The following SLC39A3 variants were observed in gnomAD, a reference collection of about 807,000 sequenced individuals.
The protein encoded by SLC39A3 is zinc transporter ZIP3.
Under a neutral mutation model 5.1 loss-of-function variants are expected in SLC39A3, and 3 were observed. The ratio of observed to expected loss-of-function variants is 0.59; its 90% confidence interval spans 0.27 to 1.54. The LOEUF (loss-of-function observed/expected upper bound fraction) is 1.54, where lower values mean the gene tolerates loss of function less well. Ranked by LOEUF, SLC39A3 falls within the 40% of genes most tolerant of loss-of-function variation. SLC39A3 has a pLI of 0.12. For missense variants in SLC39A3, 412 were observed against 436.4 expected, an observed-to-expected ratio of 0.94 and a Z score of 0.50; for synonymous variants, 250 against 218.8, an observed-to-expected ratio of 1.14 and a Z score of -1.26.
chr19:2,739,279 A>G (rs747077060), intron 1 of SLC39A3, among the ~76,000 whole-genome samples: 10 of 151,998 alleles, frequency 6.6e-5, no homozygotes, highest in Non-Finnish European at 1.3e-4. Flanking sequence ...ATTTTACCTG[A>G]TGCAATGGGC....
intron 2 of SLC39A3, chr19:2,736,185 T>C: frequency 1.0e-6 from 1 of 985,356 alleles, no homozygotes; most frequent in Non-Finnish European, 1.2e-6. Context: ...GGAGTTGGGG[T>C]GGACAGACTC....
At chr19:2,737,420 T>C (rs1914405538) in intron 1 of SLC39A3, 41 bp from the exon 2 acceptor site, 2 of 1,355,568 alleles carry the variant, frequency 1.5e-6, no homozygotes, top group Non-Finnish European at 2.0e-6. Context: ...TCTTTCTTTT[T>C]TCTTTTTTTT....
At chr19:2,736,596 T>C in intron 2 of SLC39A3, 1 of 517,462 alleles carries the variant, frequency 1.9e-6, no homozygotes, top group Non-Finnish European at 2.8e-6. Context: ...ACACTGTGAC[T>C]GCTGCCTTGT....
chr19:2,737,132 C>G lies in SLC39A3; in HGVS notation c.126G>C (p.Lys42Asn). 1 of 1,614,178 alleles carries G rather than the reference C, an allele frequency of 6.2e-7. No homozygotes were observed. The highest frequency in any genetic ancestry group is 8.5e-7 in the Non-Finnish European group (1 of 1,180,036). The stretch of plus-strand genomic sequence containing the variant: ...CAAAGGTGTTGCAGAGAGAGAGGAT[C>G]TTTTTCGAGCGATGGGCCTTCTCAA... ...TDFEKAHRSK[K>N]ILSLCNTFGG... is the part of the protein sequence containing the mutation. The change falls in exon 2 of 3, where the codon AAG (lysine) becomes AAC (asparagine). Residue 42 changes from lysine (K) to asparagine (N), a missense_variant. Lys to Asn is a moderately conservative substitution (Grantham distance 94). Transcript: ENST00000269740.
chr19:2,736,575 C>T, intron 2 of SLC39A3: 1 of 362,008 alleles, frequency 2.8e-6, no homozygotes, highest in Non-Finnish European at 4.2e-6. Context: ...GATGAGACCA[C>T]AGCCCAGGAG....
Position 2,733,654 on chromosome 19 carries a change from A to G in SLC39A3, c.211-169T>C, listed in dbSNP as rs977595916. On this transcript the variant is annotated intron_variant, in intron 2 of 2. Transcript: ENST00000269740. This position sits in a 1 kb window ranked among gnomAD's most constrained non-coding sequence, Gnocchi z 6.1. ...TCGCCTGTGATGAATTAACACCACC[A>G]CCACCAGCCAAGCGCGGTGGCTCAT... 9.9e-5 allele frequency among the ~76,000 whole-genome samples: 15 copies of G among 152,058 alleles called. No individual in the cohort carries two copies. The highest frequency in any genetic ancestry group is 3.6e-4 in the African/African-American group (15 of 41,388).
chr19:2,734,131 A>G lies in SLC39A3; in HGVS notation c.211-646T>C, dbSNP rs1448221623. Among the ~76,000 whole-genome samples the G allele has an allele frequency of 1.3e-5, 2 of 151,988 alleles. No individual in the cohort carries two copies. The highest frequency in any genetic ancestry group is 2.9e-5 in the Non-Finnish European group (2 of 67,996). On this transcript the variant is annotated intron_variant, in intron 2 of 2. Coordinates refer to ENST00000269740, the MANE Select transcript of SLC39A3 (RefSeq NM_144564.5). This position sits in a 1 kb window ranked among gnomAD's most constrained non-coding sequence, Gnocchi z 4.6. ...CGCAGGGCGTCTGCAAGAGGTACAC[A>G]CTCCTATGGGAGGGACAGCTGCTCA...
In SLC39A3 at chr19:2,735,966, A is replaced by AG; in HGVS notation, c.210+1081dup. ...CCATGCTTTCGTTGGGAGGAAGAACAGGGGGTCCTCATATCTCCACCAAGT... is the reference window on the plus strand; with the variant it reads ...CCATGCTTTCGTTGGGAGGAAGAACAGGGGGGTCCTCATATCTCCACCAAGT... On this transcript the variant is annotated intron_variant, in intron 2 of 2. Coordinates refer to ENST00000269740, the MANE Select transcript of SLC39A3 (RefSeq NM_144564.5). The surrounding 1 kb of genome is among the most constrained non-coding windows in gnomAD (Gnocchi z 5.7). 1 of 985,500 alleles carries AG rather than the reference A, an allele frequency of 1.0e-6. No individual in the cohort carries two copies. Among genetic ancestry groups the AG allele is most frequent in the South Asian group, 4.7e-5 (1 of 21,294 alleles). The allele number at this position is 985,500 out of a possible 1,614,324, so 61.0% of individuals were successfully genotyped here.
At position 2,733,655 on chromosome 19, in the gene SLC39A3, C is replaced by G. The variant is rs918481170; in HGVS notation, c.211-170G>C. ...CGCCTGTGATGAATTAACACCACCA[C>G]CACCAGCCAAGCGCGGTGGCTCATG... On this transcript the variant is annotated intron_variant, in intron 2 of 2. Transcript: ENST00000269740. The surrounding 1 kb of genome is among the most constrained non-coding windows in gnomAD (Gnocchi z 6.1). Among the ~76,000 whole-genome samples the G allele has an allele frequency of 7.9e-5, 12 of 152,168 alleles. No homozygotes were observed. Among genetic ancestry groups the G allele is most frequent in the Admixed American group, 5.2e-4 (8 of 15,276 alleles).
chr19:2,737,235 T>C lies in SLC39A3; in HGVS notation c.23A>G (p.Lys8Arg). 6.2e-7 allele frequency: 1 copy of C among 1,613,764 alleles called. No individual in the cohort carries two copies. Among genetic ancestry groups the C allele is most frequent in the Non-Finnish European group, 8.5e-7 (1 of 1,179,810 alleles). The change falls in exon 2 of 3, where the codon AAA becomes AGA. Residue 8 changes from lysine (K) to arginine (R), a missense_variant. Coordinates refer to ENST00000269740, the MANE Select transcript of SLC39A3 (RefSeq NM_144564.5). MVKLLVA[K>R]ILCMVGVFFF... is the part of the protein sequence containing the mutation. ...GAACACGCCCACCATGCACAGGATT[T>C]TGGCCACTAGCAATTTCACCATGGT... is the stretch of plus-strand genomic sequence containing the variant.
intron 1 of SLC39A3, among the ~76,000 whole-genome samples, chr19:2,738,364 A>ATGG (rs1186344852): frequency 6.6e-6 from 1 of 151,990 alleles, no homozygotes; most frequent in African/African-American, 2.4e-5. Context: ...ATGCTATTGG[A>ATGG]TGGTGGTGGT....
rs1360933898 is a variant in SLC39A3 at position 2,733,398 on chromosome 19, A to G, written c.298T>C (p.Phe100Leu). ...AAGGTCAGGATCAGCTGCTCCAGGAAGACGGTCATGAAGAAGCCCAGCAGG... is the reference window on the plus strand; with the variant it reads ...AAGGTCAGGATCAGCTGCTCCAGGAGGACGGTCATGAAGAAGCCCAGCAGG... ...ILLLGFFMTV[F>L]LEQLILTFRK... Residue 100 changes from phenylalanine to leucine, a missense_variant, in exon 3 of 3, where the codon TTC becomes CTC. Phe to Leu is a conservative substitution (Grantham distance 22, BLOSUM62 0). Coordinates refer to ENST00000269740, the MANE Select transcript of SLC39A3 (RefSeq NM_144564.5). This position sits in a 1 kb window ranked among gnomAD's most constrained non-coding sequence, Gnocchi z 6.1. The G allele has an allele frequency of 9.3e-6, 15 of 1,612,980 alleles. No individual in the cohort carries two copies. The highest frequency in any genetic ancestry group is 1.3e-5 in the Non-Finnish European group (15 of 1,180,018).
rs1435884658 is a variant in SLC39A3, at chr19:2,733,123, C to T, written c.573G>A (p.Gln191=). The change falls in exon 3 of 3, where the codon CAG becomes CAA. Residue 191 remains glutamine, a synonymous_variant. Coordinates refer to ENST00000269740, the MANE Select transcript of SLC39A3 (RefSeq NM_144564.5). This position sits in a 1 kb window ranked among gnomAD's most constrained non-coding sequence, Gnocchi z 6.1. ...GGCTCACCACTTTCTCCCCCTCCTC[C>T]TGCAGGCCCAGGGCCAGGCCCTCAA... is the stretch of plus-strand genomic sequence containing the variant. The part of the protein sequence containing the change: ...SVFEGLALGL[Q]EEGEKVVSLF... 5.6e-6 allele frequency: 9 copies of T among 1,610,774 alleles called. No homozygotes were observed. The highest frequency in any genetic ancestry group is 7.6e-6 in the Non-Finnish European group (9 of 1,179,106).
rs1399464303 is a variant in SLC39A3 at position 2,735,241 on chromosome 19, GT to G, written c.211-1757del. The G allele has an allele frequency of 1.0e-6, 1 of 984,328 alleles. No homozygotes were observed. The highest frequency in any genetic ancestry group is 1.7e-5 in the African/African-American group (1 of 57,234). The allele number at this position is 984,328 out of a possible 1,614,324, so 61.0% of individuals were successfully genotyped here. On this transcript the variant is annotated intron_variant, in intron 2 of 2. Coordinates refer to ENST00000269740, the MANE Select transcript of SLC39A3 (RefSeq NM_144564.5). This position sits in a 1 kb window ranked among gnomAD's most constrained non-coding sequence, Gnocchi z 5.7. ...CTCCATCCTCGCAGTGCAGATGTCAGTCTTCACACACCGCGTAACGAACGAA... is the reference window on the plus strand; with the variant it reads ...CTCCATCCTCGCAGTGCAGATGTCAGCTTCACACACCGCGTAACGAACGAA...
At position 2,733,265 on chromosome 19, in the gene SLC39A3, T is replaced by G; in HGVS notation, c.431A>C (p.His144Pro). The change falls in exon 3 of 3, where the codon CAC becomes CCC. Residue 144 changes from histidine to proline, a missense_variant. Coordinates refer to ENST00000269740, the MANE Select transcript of SLC39A3 (RefSeq NM_144564.5). This position sits in a 1 kb window ranked among gnomAD's most constrained non-coding sequence, Gnocchi z 6.1. ...GCCGTGGGGCTCCACGTACAGCGCG[T>G]GGCCCCGCGCGCCCCCCATGAAGGG... ...ESPFMGGARGHALYVEPHGHG... is the reference protein window; with the variant it reads ...ESPFMGGARGPALYVEPHGHG... 1 of 1,612,312 alleles carries G rather than the reference T, an allele frequency of 6.2e-7. No individual in the cohort carries two copies. The highest frequency in any genetic ancestry group is 8.5e-7 in the Non-Finnish European group (1 of 1,179,742).
rs1286844562 is a variant in SLC39A3, at chr19:2,737,121, A to G, written c.137T>C (p.Leu46Pro). 1 of 1,614,200 alleles carries G rather than the reference A, an allele frequency of 6.2e-7. No homozygotes were observed. The highest frequency in any genetic ancestry group is 8.5e-7 in the Non-Finnish European group (1 of 1,180,044). Reference sequence around the variant, plus strand: ...CACCCCTCCTCCAAAGGTGTTGCAGAGAGAGAGGATCTTTTTCGAGCGATG... The same window carrying G: ...CACCCCTCCTCCAAAGGTGTTGCAGGGAGAGAGGATCTTTTTCGAGCGATG... Reference protein sequence around the residue: ...KAHRSKKILSLCNTFGGGVFL... With the variant: ...KAHRSKKILSPCNTFGGGVFL... The change falls in exon 2 of 3, where the codon CTC becomes CCC. Residue 46 changes from leucine (L) to proline (P), a missense_variant. By Grantham distance (98) the Leu-to-Pro change is moderately conservative. Coordinates refer to ENST00000269740, the MANE Select transcript of SLC39A3 (RefSeq NM_144564.5).
At chr19:2,739,099 C>CAA (rs76854834) in intron 1 of SLC39A3, among the ~76,000 whole-genome samples, 940 of 29,460 alleles carry the variant, frequency 0.032, 73 homozygotes, top group African/African-American at 0.082. Context: ...GACTCCGTCT[C>CAA]AAAAAAAAAA....
chr19:2,736,952 G>C (rs1283670706), intron 2 of SLC39A3, 96 bp downstream of exon 2: 3 of 1,575,374 alleles, frequency 1.9e-6, no homozygotes, highest in Non-Finnish European at 2.6e-6. Flanking sequence ...ACAGCATCAA[G>C]GCCTTCACTG....
At chr19:2,736,616 A>T (rs1485555788) in intron 2 of SLC39A3, 9 of 712,820 alleles carry the variant, frequency 1.3e-5, no homozygotes, top group Non-Finnish European at 1.7e-5. Flanking sequence ...TGAGCTCCTG[A>T]AGCAGTGCCC....
Sources: allele counts gnomAD v4.1 joint callset (sites outside exome capture counted in the v4.1 genomes callset), GRCh38; gene constraint gnomAD v4.1.1; non-coding constraint Gnocchi (gnomAD v3.1); transcripts MANE v1.5; gene names NCBI Gene and HGNC (gene_info 2026-07-23, HGNC 2026-07-21).